The following CFAP45 variants were observed in gnomAD, a reference collection of about 807,000 sequenced individuals.
The protein encoded by CFAP45 is cilia and flagella associated protein 45.
In CFAP45, 43 loss-of-function variants were observed where a neutral mutation model predicts 75.6. The observed-to-expected ratio is 0.57, with a 90% CI of 0.45 to 0.73. CFAP45 has a LOEUF of 0.73. Among genes scored for constraint, CFAP45 ranks in the 30% least tolerant of loss-of-function variants. The probability of loss-of-function intolerance (pLI) is 0.00; values close to 1 mark genes in which losing one functional copy is unlikely to be tolerated. For synonymous variants in CFAP45, 223 were observed against 244.6 expected, an observed-to-expected ratio of 0.91 and a Z score of 0.82; for missense variants, 689 against 701.5, an observed-to-expected ratio of 0.98 and a Z score of 0.20.
chr1:159,895,585 G>A (rs1332504239), intron 1 of CFAP45, among the ~76,000 whole-genome samples: 2 of 152,222 alleles, frequency 1.3e-5, no homozygotes, highest in Non-Finnish European at 2.9e-5. Context: ...CCAGCAAAAG[G>A]CTTACACAGG....
intron 2 of CFAP45, among the ~76,000 whole-genome samples, chr1:159,891,322 A>G (rs1242522529): frequency 6.6e-6 from 1 of 152,182 alleles, no homozygotes; most frequent in Non-Finnish European, 1.5e-5. Flanking sequence ...AATCTTTGAT[A>G]TTGGTAATTT....
Position 159,872,389 on chromosome 1 carries a change from A to T in CFAP45, c.*96T>A. 1 of 949,426 alleles carries T rather than the reference A, an allele frequency of 1.1e-6. No individual in the cohort carries two copies. The highest frequency in any genetic ancestry group is 1.7e-6 in the Non-Finnish European group (1 of 579,572). 58.8% of individuals were successfully genotyped at this position (949,426 alleles called of 1,614,324 possible). A position where few individuals can be genotyped will look rare whatever the true frequency, so the allele number is the denominator to read the frequency against. ...TTAAAGTCAAGTAGATTTAATCTGT[A>T]ACTATGAAATGTCTAGGTTAGCAGC... is the stretch of plus-strand genomic sequence containing the variant. On this transcript the variant is annotated 3_prime_UTR_variant, in exon 12 of 12. Coordinates refer to ENST00000368099, the MANE Select transcript of CFAP45 (RefSeq NM_012337.3).
intron 10 of CFAP45, among the ~76,000 whole-genome samples, chr1:159,874,797 A>G (rs1202763877): frequency 1.3e-5 from 2 of 152,220 alleles, no homozygotes; most frequent in Non-Finnish European, 2.9e-5. Context: ...CATTTAAATC[A>G]CAATCTAGGA....
intron 1 of CFAP45, 112 bp from the exon 2 acceptor site, chr1:159,893,417 A>C: frequency 9.5e-7 from 1 of 1,050,616 alleles, no homozygotes; most frequent in South Asian, 1.3e-5. Context: ...TGTGAAAAAG[A>C]AACAGTTAGG....
In CFAP45 at chr1:159,877,557, T is replaced by C. The variant is rs528328439; in HGVS notation, c.1045-95A>G. On this transcript the variant is annotated intron_variant, in intron 8 of 11. Transcript: ENST00000368099. ...ACAACAGACTTTCCAATATCTCCCC[T>C]ACCACTTCCTGACTCCTTTTAAAAT... 7.4e-4 allele frequency: 629 copies of C among 849,260 alleles called. 1 individual carries two copies. Among genetic ancestry groups the C allele is most frequent in the Non-Finnish European group, 1.1e-3 (524 of 486,278 alleles). The allele number at this position is 849,260 out of a possible 1,614,324, so 52.6% of individuals were successfully genotyped here.
chr1:159,898,028 A>G (rs1323603885), intron 1 of CFAP45: 2 of 815,294 alleles, frequency 2.5e-6, no homozygotes, highest in Non-Finnish European at 3.0e-6. Flanking sequence ...ACAGGTTGAC[A>G]TGTTCAGGAA....
At chr1:159,880,271 A>C (rs1041556061) in intron 8 of CFAP45, among the ~76,000 whole-genome samples, 3 of 152,226 alleles carry the variant, frequency 2.0e-5, no homozygotes, top group African/African-American at 2.4e-5. Flanking sequence ...CAATAGTTTC[A>C]GTTTTCTTTT....
intron 3 of CFAP45, among the ~76,000 whole-genome samples, chr1:159,890,005 C>T (rs1027250460): frequency 3.3e-5 from 5 of 152,152 alleles, no homozygotes; most frequent in Non-Finnish European, 7.4e-5. Flanking sequence ...CCAAAGGAAC[C>T]CAGGGAGCCC....
chr1:159,877,559 C>A, intron 8 of CFAP45, 97 bp from the exon 9 acceptor site: 1 of 844,814 alleles, frequency 1.2e-6, no homozygotes, highest in Non-Finnish European at 2.1e-6. Context: ...ATCTCCCCTA[C>A]CACTTCCTGA....
rs200865553 is a variant in CFAP45 at position 159,873,104 on chromosome 1, G to A, written c.1417C>T (p.Gln473Ter). 5 of 1,614,168 alleles carry A rather than the reference G, an allele frequency of 3.1e-6. No homozygotes were observed. The East Asian group carries it at 8.9e-5, about 29-fold the overall frequency. ...EEEKKATGRL[Q>*]HANELRRQVR... Reference sequence around the variant, plus strand: ...TGGCGCCGGAGCTCATTGGCATGCTGTAAGCGCCCTGTGGCCTTTTTCTCC... The same window carrying A: ...TGGCGCCGGAGCTCATTGGCATGCTATAAGCGCCCTGTGGCCTTTTTCTCC... The change falls in exon 11 of 12, where the codon CAG (glutamine) becomes TAG (stop). Residue 473 changes from glutamine to a stop codon, truncating the protein, a stop_gained. Coordinates refer to ENST00000368099, the MANE Select transcript of CFAP45 (RefSeq NM_012337.3). LOFTEE classifies it high-confidence loss of function.
intron 7 of CFAP45, among the ~76,000 whole-genome samples, chr1:159,881,892 ACC>A (rs1649559547): frequency 6.6e-6 from 1 of 151,960 alleles, no homozygotes; most frequent in African/African-American, 2.4e-5. Flanking sequence ...TGATTAACTC[ACC>A]CCACCTCCCA....
intron 9 of CFAP45, among the ~76,000 whole-genome samples, chr1:159,877,098 A>G (rs1327252905): frequency 6.6e-6 from 1 of 152,228 alleles, no homozygotes; most frequent in Non-Finnish European, 1.5e-5. Context: ...TGGTTGGTTA[A>G]GGTTGAAAGT....
Position 159,876,707 on chromosome 1 carries a change from CTCTG to C in CFAP45, c.1197_1200del (p.Asp399GlufsTer126). ...TTTTCCTTTTCCTTTCTGCGCCACTCTCTGTCTGCAACCTCCTGGTTGCGCTTGG... is the reference window on the plus strand; with the variant it reads ...TTTTCCTTTTCCTTTCTGCGCCACTCTCTGCAACCTCCTGGTTGCGCTTGG... On this transcript the variant is annotated frameshift_variant, in exon 10 of 12. Coordinates refer to ENST00000368099, the MANE Select transcript of CFAP45 (RefSeq NM_012337.3). LOFTEE classifies it high-confidence loss of function. 6.2e-7 allele frequency: 1 copy of C among 1,614,226 alleles called. No homozygotes were observed. Among genetic ancestry groups the C allele is most frequent in the East Asian group, 2.2e-5 (1 of 44,880 alleles).
intron 1 of CFAP45, among the ~76,000 whole-genome samples, chr1:159,896,494 G>GA (rs1272138998): frequency 2.6e-5 from 4 of 152,288 alleles, no homozygotes; most frequent in African/African-American, 7.2e-5. Flanking sequence ...AAACATACTA[G>GA]AAAAAAATGA....
chr1:159,877,875 A>AAAAT (rs56408622), intron 8 of CFAP45, among the ~76,000 whole-genome samples: 20,430 of 148,922 alleles, frequency 0.14, 1,863 homozygotes, highest in East Asian at 0.33. Flanking sequence ...ACCTTGTCTC[A>AAAAT]AAATAAATAA....
At chr1:159,897,762 G>C (rs192080753) in intron 1 of CFAP45, among the ~76,000 whole-genome samples, 1 of 150,894 alleles carries the variant, frequency 6.6e-6, no homozygotes, top group African/African-American at 2.4e-5. Context: ...CCAATTTTAT[G>C]ACCAGAAAAA....
chr1:159,874,962 G>C (rs1283631161), intron 10 of CFAP45, among the ~76,000 whole-genome samples: 1 of 152,216 alleles, frequency 6.6e-6, no homozygotes, highest in Non-Finnish European at 1.5e-5. Context: ...CCATAGAGGA[G>C]GCTGTGCTTT....
rs1246355241 is a variant in CFAP45, at chr1:159,877,384, T to C, written c.1123A>G (p.Met375Val). The change falls in exon 9 of 12, where the codon ATG becomes GTG. Residue 375 changes from methionine (M) to valine (V), a missense_variant. By Grantham distance (21) the Met-to-Val change is conservative. Transcript: ENST00000368099. ...TGGTAATCCTGGGCCTTCTCCTGCA[T>C]GGCCCTCAAGCGTGCGATCTCCTTC... ...KEKEIARLRA[M>V]QEKAQDYQAE... 1.9e-6 allele frequency: 3 copies of C among 1,613,834 alleles called. No individual in the cohort carries two copies. The highest frequency in any genetic ancestry group is 2.5e-6 in the Non-Finnish European group (3 of 1,179,678).
chr1:159,881,923 C>T (rs1649559973), intron 7 of CFAP45, among the ~76,000 whole-genome samples: 1 of 152,224 alleles, frequency 6.6e-6, no homozygotes, highest in Non-Finnish European at 1.5e-5. Flanking sequence ...CCAGCTCCCT[C>T]CATTTCTCCA....
Sources: allele counts gnomAD v4.1 joint callset (sites outside exome capture counted in the v4.1 genomes callset), GRCh38; gene constraint gnomAD v4.1.1; transcripts MANE v1.5; gene names NCBI Gene and HGNC (gene_info 2026-07-23, HGNC 2026-07-21).